Variants in LRRC4C observed in about 807,000 individuals in gnomAD.
LRRC4C encodes leucine-rich repeat-containing protein 4C.
A neutral mutation model predicts 33.6 loss-of-function variants in LRRC4C; 5 were observed. That is an observed-to-expected ratio of 0.15 (90% confidence interval 0.08 to 0.31). The LOEUF is 0.31. Among genes scored for constraint, LRRC4C ranks in the 10% least tolerant of loss-of-function variants. The pLI is 1.00. For synonymous variants in LRRC4C, 329 were observed against 302.0 expected (o/e 1.09, Z -0.93); for missense variants, 560 against 796.7 (o/e 0.70, Z 3.58).
chr11:41,433,836 C>T (rs2017064), intron 1 of LRRC4C, among the ~76,000 whole-genome samples: 92,031 of 150,972 alleles, frequency 0.61, 28,351 homozygotes, highest in Middle Eastern at 0.67. Context: ...CATATATATG[C>T]GTATATATAT....
chr11:41,402,000 C>T (rs1954043065), intron 1 of LRRC4C, among the ~76,000 whole-genome samples: 1 of 151,966 alleles, frequency 6.6e-6, no homozygotes, highest in Non-Finnish European at 1.5e-5. Flanking sequence ...CATTATTGAA[C>T]ACTTACAATG....
At chr11:40,554,692 T>G (rs1414979471) in intron 3 of LRRC4C, among the ~76,000 whole-genome samples, 1 of 151,928 alleles carries the variant, frequency 6.6e-6, no homozygotes, top group Non-Finnish European at 1.5e-5. Context: ...TGATTAGATA[T>G]ATTCCTACTT....
At chr11:41,153,476 C>T (rs181451154) in intron 1 of LRRC4C, among the ~76,000 whole-genome samples, 62 of 152,146 alleles carry the variant, frequency 4.1e-4, no homozygotes, top group South Asian at 8.3e-4. Flanking sequence ...AAAGAAACTA[C>T]GAGTAACCTC....
intron 1 of LRRC4C, among the ~76,000 whole-genome samples, chr11:41,180,394 A>C (rs780761239): frequency 6.6e-6 from 1 of 152,150 alleles, no homozygotes; most frequent in Non-Finnish European, 1.5e-5. Context: ...GGCATTGTAA[A>C]AAATTTAAGA....
chr11:40,598,950 A>G (rs2135791695), intron 3 of LRRC4C, among the ~76,000 whole-genome samples: 1 of 152,286 alleles, frequency 6.6e-6, no homozygotes, highest in Non-Finnish European at 1.5e-5. Context: ...TCAAACCCCT[A>G]CATGGCACAT....
chr11:40,707,769 A>G (rs924014212), intron 2 of LRRC4C, among the ~76,000 whole-genome samples: 1 of 152,188 alleles, frequency 6.6e-6, no homozygotes, highest in Non-Finnish European at 1.5e-5. Flanking sequence ...TGACTGGAAT[A>G]GTTTCAGAAG....
chr11:40,798,645 CTTT>C (rs11341571), intron 2 of LRRC4C, among the ~76,000 whole-genome samples: 5 of 137,758 alleles, frequency 3.6e-5, no homozygotes, highest in Non-Finnish European at 3.1e-5. Flanking sequence ...TTCTTTCTTT[CTTT>C]TTTTTTTTTT....
At chr11:41,312,378 T>G (rs1950667263) in intron 1 of LRRC4C, among the ~76,000 whole-genome samples, 1 of 152,232 alleles carries the variant, frequency 6.6e-6, no homozygotes, top group African/African-American at 2.4e-5. Context: ...ACCAGTTTTA[T>G]GAATTCTATA....
chr11:40,782,537 C>T (rs1432262498), intron 2 of LRRC4C, among the ~76,000 whole-genome samples: 1 of 151,798 alleles, frequency 6.6e-6, no homozygotes, highest in Non-Finnish European at 1.5e-5. Context: ...TCTCAATTTA[C>T]TTCATTCTCA....
chr11:40,840,450 G>C (rs1281735707), intron 2 of LRRC4C, among the ~76,000 whole-genome samples: 1 of 152,046 alleles, frequency 6.6e-6, no homozygotes, highest in African/African-American at 2.4e-5. Context: ...TAAAATAATG[G>C]AATAGAAAAA....
intron 1 of LRRC4C, among the ~76,000 whole-genome samples, chr11:40,969,141 G>A (rs939062594): frequency 6.6e-6 from 1 of 152,052 alleles, no homozygotes; most frequent in Non-Finnish European, 1.5e-5. Context: ...TGACTTTGAC[G>A]GCTTCAAGAT....
At chr11:40,851,558 G>A (rs953349749) in intron 2 of LRRC4C, among the ~76,000 whole-genome samples, 1 of 152,124 alleles carries the variant, frequency 6.6e-6, no homozygotes, top group African/African-American at 2.4e-5. Flanking sequence ...GCTGGAAGCT[G>A]TAGACCGGAG....
intron 1 of LRRC4C, among the ~76,000 whole-genome samples, chr11:41,007,402 A>T (rs1388880907): frequency 6.6e-6 from 1 of 152,062 alleles, no homozygotes; most frequent in Non-Finnish European, 1.5e-5. Flanking sequence ...ATTGCCAAGG[A>T]TTATACAATT....
chr11:40,154,821 C>T (rs1055535651), intron 5 of LRRC4C, among the ~76,000 whole-genome samples: 2 of 152,114 alleles, frequency 1.3e-5, no homozygotes, highest in South Asian at 2.1e-4. Flanking sequence ...AACAAACAAA[C>T]AATGGATTTA....
chr11:41,170,411 A>G (rs988301595), intron 1 of LRRC4C, among the ~76,000 whole-genome samples: 2 of 152,188 alleles, frequency 1.3e-5, no homozygotes, highest in Non-Finnish European at 2.9e-5. Context: ...ACAGAGATAT[A>G]GACCAATGGA....
chr11:40,857,946 AGAAAGG>A (rs59485681), intron 2 of LRRC4C, among the ~76,000 whole-genome samples: 575 of 45,036 alleles, frequency 0.013, 12 homozygotes, highest in African/African-American at 0.026. Context: ...AGGAAAGGAA[AGAAAGG>A]GAAAGGGAAA....
chr11:41,138,132 A>G (rs1454752202), intron 1 of LRRC4C, among the ~76,000 whole-genome samples: 1 of 152,216 alleles, frequency 6.6e-6, no homozygotes, highest in Non-Finnish European at 1.5e-5. Flanking sequence ...TGAAAGAACT[A>G]CTACTAGTTT....
At chr11:40,349,315 A>C (rs1269031267) in intron 3 of LRRC4C, among the ~76,000 whole-genome samples, 2 of 152,126 alleles carry the variant, frequency 1.3e-5, no homozygotes, top group Non-Finnish European at 1.5e-5. Context: ...GAGAATATGC[A>C]AAAGTTTGTC....
At chr11:40,637,993 G>T (rs1941863557) in intron 3 of LRRC4C, among the ~76,000 whole-genome samples, 1 of 152,136 alleles carries the variant, frequency 6.6e-6, no homozygotes, top group Admixed American at 6.5e-5. Context: ...CTACTGGAAA[G>T]GTTTTCTCCC....
Sources: allele counts gnomAD v4.1 joint callset (sites outside exome capture counted in the v4.1 genomes callset), GRCh38; gene constraint gnomAD v4.1.1; transcripts MANE v1.5; gene names NCBI Gene and HGNC (gene_info 2026-07-23, HGNC 2026-07-21).